Variants in DDC observed in about 807,000 individuals in gnomAD.
DDC encodes the protein dopa decarboxylase.
In DDC, 43 loss-of-function variants were observed where a neutral mutation model predicts 60.0. The observed-to-expected ratio is 0.72, with a 90% CI of 0.56 to 0.92. The LOEUF (loss-of-function observed/expected upper bound fraction) is 0.92. DDC is among the 40% of genes least tolerant of loss of function. The pLI, the probability that DDC is intolerant of heterozygous loss-of-function variation, is 0.00. For synonymous variants in DDC, 232 were observed against 234.6 expected (o/e 0.99, Z 0.10); for missense variants, 573 against 620.2 (o/e 0.92, Z 0.81).
chr7:50,503,358 G>A (rs2043304615), intron 7 of DDC, among the ~76,000 whole-genome samples: 1 of 152,234 alleles, frequency 6.6e-6, no homozygotes, highest in Non-Finnish European at 1.5e-5. Context: ...TGTCAAAGGT[G>A]AAACTCTAGA....
chr7:50,543,877 A>G lies in DDC; in HGVS notation c.201+8T>C, dbSNP rs757343696. On this transcript the variant is annotated splice_region_variant and intron_variant, in intron 2 of 14. Transcript: ENST00000444124. Reference sequence around the variant, plus strand: ...CCTCCTGTTTTCTGACCTTGGATACACACTTACCCCAGGCATGATTATCTT... The same window carrying G: ...CCTCCTGTTTTCTGACCTTGGATACGCACTTACCCCAGGCATGATTATCTT... 1.2e-5 allele frequency: 20 copies of G among 1,613,602 alleles called. No individual in the cohort carries two copies. In the African/African-American group the frequency reaches 2.4e-4, roughly 19 times the overall value.
chr7:50,539,718 C>T, intron 3 of DDC, 197 bp downstream of exon 3: 3 of 582,632 alleles, frequency 5.1e-6, no homozygotes, highest in Non-Finnish European at 3.2e-6. Flanking sequence ...GTTGTTGAGA[C>T]TTTCTCTGTT....
intron 12 of DDC, among the ~76,000 whole-genome samples, chr7:50,468,073 A>G (rs2042437930): frequency 6.6e-6 from 1 of 152,274 alleles, no homozygotes; most frequent in Non-Finnish European, 1.5e-5. Flanking sequence ...TGCTCATTCT[A>G]AGCCCGCGGA....
intron 1 of DDC, among the ~76,000 whole-genome samples, chr7:50,553,436 TC>T (rs1247817792): frequency 6.6e-6 from 1 of 151,680 alleles, no homozygotes; most frequent in Non-Finnish European, 1.5e-5. Flanking sequence ...TTGGCTGATT[TC>T]CCCCTGGATT....
intron 1 of DDC, among the ~76,000 whole-genome samples, chr7:50,558,377 A>G (rs1270003431): frequency 6.6e-6 from 1 of 152,108 alleles, no homozygotes; most frequent in Admixed American, 6.5e-5. Flanking sequence ...GTAAATATTG[A>G]CTTCTACATT....
At chr7:50,464,619 A>G (rs1260145664) in intron 13 of DDC, among the ~76,000 whole-genome samples, 1 of 152,242 alleles carries the variant, frequency 6.6e-6, no homozygotes, top group Non-Finnish European at 1.5e-5. Context: ...ATTTTCAAAC[A>G]GACTGGATAG....
intron 9 of DDC, among the ~76,000 whole-genome samples, chr7:50,494,031 C>CCTATGATCA (rs2043066862): frequency 6.6e-6 from 1 of 152,100 alleles, no homozygotes; most frequent in African/African-American, 2.4e-5. Flanking sequence ...TCCTCCTGGC[C>CCTATGATCA]CTATGATCAA....
chr7:50,561,126 G>A lies in DDC; in HGVS notation c.-29+4159C>T, dbSNP rs11575271. 1,520 of 152,278 alleles carry A rather than the reference G, an allele frequency of 1.0e-2. 20 individuals carry two copies. Among genetic ancestry groups the A allele is most frequent in the South Asian group, 0.025 (119 of 4,820 alleles). The allele number at this position is 152,278 out of a possible 1,614,324, so 9.4% of individuals were successfully genotyped here. A position where few individuals can be genotyped will look rare whatever the true frequency, so the allele number is the denominator to read the frequency against. On this transcript the variant is annotated intron_variant, in intron 1 of 14. Coordinates refer to ENST00000444124, the MANE Select transcript of DDC (RefSeq NM_001082971.2). ...ATGTAGACAGAGTGTCTGCCTCCCC[G>A]AAGCCAATCAGAGCTGCCGGCTCTG...
chr7:50,555,403 G>A (rs978985254), intron 1 of DDC, among the ~76,000 whole-genome samples: 2 of 152,088 alleles, frequency 1.3e-5, no homozygotes, highest in Admixed American at 1.3e-4. Flanking sequence ...GAGGGACCTG[G>A]GACCCAGAGA....
chr7:50,564,996 AATCAC>A (rs1478058907), intron 1 of DDC, among the ~76,000 whole-genome samples: 4 of 152,182 alleles, frequency 2.6e-5, no homozygotes, highest in African/African-American at 9.7e-5. Context: ...GAAAAAATAG[AATCAC>A]ATCTGGCCCG....
chr7:50,528,749 C>A (rs1334531604), intron 5 of DDC, among the ~76,000 whole-genome samples: 1 of 152,078 alleles, frequency 6.6e-6, no homozygotes, highest in Admixed American at 6.6e-5. Context: ...GCAGATCCAT[C>A]CTGTCTCAGA....
intron 6 of DDC, chr7:50,527,676 G>A (rs2044075519): frequency 4.6e-6 from 1 of 218,466 alleles, no homozygotes; most frequent in African/African-American, 2.3e-5. Flanking sequence ...AACCTGTATG[G>A]CCTGTGGAGA....
At chr7:50,559,590 T>G (rs1043912602) in intron 1 of DDC, among the ~76,000 whole-genome samples, 3 of 152,056 alleles carry the variant, frequency 2.0e-5, no homozygotes, top group African/African-American at 7.2e-5. Context: ...ACCACGCCTG[T>G]CTAATTTTTG....
At chr7:50,563,679 G>T (rs1027685918) in intron 1 of DDC, among the ~76,000 whole-genome samples, 1 of 152,082 alleles carries the variant, frequency 6.6e-6, no homozygotes, top group Non-Finnish European at 1.5e-5. Context: ...TCGGCTCACC[G>T]CAACCTCCGC....
intron 12 of DDC, 92 bp downstream of exon 12, chr7:50,469,981 A>AG (rs2042492414): frequency 7.4e-6 from 6 of 808,740 alleles, no homozygotes; most frequent in Non-Finnish European, 1.2e-5. Flanking sequence ...CTCTGTCTCA[A>AG]AAAAAAAAAA....
intron 9 of DDC, 145 bp downstream of exon 9, chr7:50,495,205 C>G: frequency 1.4e-6 from 1 of 706,344 alleles, no homozygotes; most frequent in Admixed American, 2.0e-5. Context: ...TAAGAATTAG[C>G]AATAATTCCA....
intron 6 of DDC, chr7:50,527,762 G>A: frequency 3.9e-6 from 1 of 258,918 alleles, no homozygotes; most frequent in Non-Finnish European, 7.6e-6. Context: ...GACTCTTTTT[G>A]CATCCTTCAA....
intron 5 of DDC, among the ~76,000 whole-genome samples, chr7:50,528,714 C>G (rs1205331645): frequency 6.6e-6 from 1 of 152,114 alleles, no homozygotes; most frequent in Admixed American, 6.5e-5. Flanking sequence ...AGGAAAGAAA[C>G]CAGCCAGGAG....
chr7:50,478,629 C>A (rs2042701035), intron 10 of DDC, among the ~76,000 whole-genome samples: 1 of 152,214 alleles, frequency 6.6e-6, no homozygotes, highest in Admixed American at 6.5e-5. Context: ...AGCTTCCTTG[C>A]ACAATTCTTT....
Sources: gnomAD v4.1 joint callset for allele counts (sites outside exome capture counted in the v4.1 genomes callset) on GRCh38, gnomAD v4.1.1 for gene constraint, MANE v1.5 for transcripts, NCBI Gene and HGNC (gene_info 2026-07-23, HGNC 2026-07-21) for gene names.